The following PEAK1 variants were observed in gnomAD, a reference collection of about 807,000 sequenced individuals.
The protein encoded by PEAK1 is inactive tyrosine-protein kinase PEAK1.
Under a neutral mutation model 124.7 loss-of-function variants are expected in PEAK1, and 54 were observed. The ratio of observed to expected loss-of-function variants is 0.43; its 90% CI spans 0.35 to 0.54. PEAK1 has a LOEUF of 0.54. Among genes scored for constraint, PEAK1 ranks in the 20% least tolerant of loss-of-function variants. PEAK1 has a pLI of 0.01. For missense variants in PEAK1, 2,046 were observed against 2,134.5 expected, an observed-to-expected ratio of 0.96 and a Z score of 0.82; for synonymous variants, 719 against 760.0, an observed-to-expected ratio of 0.95 and a Z score of 0.89.
At chr15:77,230,793 A>G (rs1284997322) in intron 6 of PEAK1, among the ~76,000 whole-genome samples, 2 of 152,074 alleles carry the variant, frequency 1.3e-5, no homozygotes, top group Admixed American at 1.3e-4. Flanking sequence ...TGATTGTACC[A>G]CTACACTCCA....
intron 9 of PEAK1, among the ~76,000 whole-genome samples, chr15:77,127,181 C>T (rs2052449013): frequency 6.6e-6 from 1 of 152,180 alleles, no homozygotes. Flanking sequence ...TGTAAGGGCA[C>T]AGTGAGAAGA....
At chr15:77,318,526 G>A (rs2065010915) in intron 2 of PEAK1, among the ~76,000 whole-genome samples, 2 of 152,064 alleles carry the variant, frequency 1.3e-5, no homozygotes, top group Admixed American at 1.3e-4. Context: ...GCTGTCCAAC[G>A]ACAGAGTGGG....
chr15:77,239,439 T>C (rs1043621218), intron 6 of PEAK1, among the ~76,000 whole-genome samples: 6 of 152,328 alleles, frequency 3.9e-5, no homozygotes, highest in African/African-American at 1.2e-4. Context: ...TATATGACTT[T>C]AGGCAAAAAC....
chr15:77,415,637 C>T (rs936859846), intron 1 of PEAK1, among the ~76,000 whole-genome samples: 1 of 152,218 alleles, frequency 6.6e-6, no homozygotes, highest in Admixed American at 6.5e-5. Flanking sequence ...TTACACAAGA[C>T]ATGTCATCAA....
intron 6 of PEAK1, among the ~76,000 whole-genome samples, chr15:77,229,370 C>A (rs2059808535): frequency 6.6e-6 from 1 of 152,154 alleles, no homozygotes. Flanking sequence ...GTGTGAAAGG[C>A]TGTATCATTC....
chr15:77,410,095 G>C (rs1003213471), intron 1 of PEAK1, among the ~76,000 whole-genome samples: 1 of 148,044 alleles, frequency 6.8e-6, no homozygotes, highest in Non-Finnish European at 1.5e-5. Context: ...TTTTTAGACA[G>C]AGTTTCGCTC....
chr15:77,380,619 C>T lies in PEAK1; in HGVS notation c.-665-15394G>A, dbSNP rs1025002852. Among the ~76,000 whole-genome samples, 3 of 152,144 alleles carry T rather than the reference C, an allele frequency of 2.0e-5. No individual in the cohort carries two copies. The South Asian group carries it at 6.2e-4, about 31-fold the overall frequency. On this transcript the variant is annotated intron_variant, in intron 1 of 9. Transcript: ENST00000682557. Reference sequence around the variant, plus strand: ...TCAGCCTCCCAAGTAGCTGGGACCACAGGCATGCAACACTATGCCCAGTTA... The same window carrying T: ...TCAGCCTCCCAAGTAGCTGGGACCATAGGCATGCAACACTATGCCCAGTTA...
At chr15:77,347,950 T>G in intron 2 of PEAK1, 2 of 985,178 alleles carry the variant, frequency 2.0e-6, no homozygotes, top group Non-Finnish European at 2.4e-6. Context: ...ACTGAATGAT[T>G]CCCAAACATA....
downstream of PEAK1, chr15:77,103,725 C>A (rs572478943): frequency 6.6e-6 from 1 of 152,224 alleles, no homozygotes; most frequent in East Asian, 1.9e-4. Context: ...ACTTAGTTGC[C>A]TTTGTGGTTC....
At chr15:77,386,778 G>C (rs1439446881) in intron 1 of PEAK1, among the ~76,000 whole-genome samples, 2 of 152,130 alleles carry the variant, frequency 1.3e-5, no homozygotes, top group African/African-American at 4.8e-5. Context: ...TGTGCAAGAA[G>C]ATCTTCCCAC....
intron 1 of PEAK1, chr15:77,371,111 G>A (rs2068611435): frequency 2.1e-6 from 2 of 952,734 alleles, no homozygotes; most frequent in African/African-American, 1.8e-5. Context: ...CTTTAAGGCT[G>A]AATTATGTTA....
chr15:77,274,290 GA>G (rs2062192514), intron 5 of PEAK1, among the ~76,000 whole-genome samples: 1 of 151,784 alleles, frequency 6.6e-6, no homozygotes, highest in African/African-American at 2.4e-5. Flanking sequence ...TTAATTAAAC[GA>G]AAAAGCTTCT....
intron 1 of PEAK1, among the ~76,000 whole-genome samples, chr15:77,386,459 A>AT (rs1361743242): frequency 1.3e-5 from 2 of 152,216 alleles, no homozygotes; most frequent in Non-Finnish European, 2.9e-5. Context: ...ATGGTCATAA[A>AT]TTCAATATCT....
At chr15:77,417,948 A>C (rs2073022731) in intron 1 of PEAK1, 1 of 972,036 alleles carries the variant, frequency 1.0e-6, no homozygotes, top group African/African-American at 1.8e-5. Flanking sequence ...AAATATTTAC[A>C]TTACCATAAA....
intron 8 of PEAK1, among the ~76,000 whole-genome samples, chr15:77,135,711 G>A (rs2053261771): frequency 6.6e-6 from 1 of 152,116 alleles, no homozygotes; most frequent in Non-Finnish European, 1.5e-5. Context: ...GAGATCTGAG[G>A]GTTTTAAAAA....
At chr15:77,123,981 C>T (rs1424759948) in intron 9 of PEAK1, among the ~76,000 whole-genome samples, 1 of 152,098 alleles carries the variant, frequency 6.6e-6, no homozygotes, top group Non-Finnish European at 1.5e-5. Flanking sequence ...CTTCTTTCAC[C>T]AAAACATTTA....
intron 6 of PEAK1, among the ~76,000 whole-genome samples, chr15:77,233,383 T>C (rs2059987975): frequency 6.6e-6 from 1 of 152,214 alleles, no homozygotes; most frequent in African/African-American, 2.4e-5. Context: ...AAACCTTTTA[T>C]TATCATTTCA....
intron 6 of PEAK1, among the ~76,000 whole-genome samples, chr15:77,211,848 C>CAAAAAAAAAAAAA: frequency 2.0e-5 from 1 of 49,772 alleles, no homozygotes; most frequent in Middle Eastern, 9.6e-3. Flanking sequence ...AACTCCATCT[C>CAAAAAAAAAAAAA]AAAAAAAAAA....
chr15:77,248,222 T>C (rs1309875299), intron 6 of PEAK1, among the ~76,000 whole-genome samples: 1 of 152,046 alleles, frequency 6.6e-6, no homozygotes, highest in East Asian at 1.9e-4. Context: ...CAAGTGAGCT[T>C]TGGTAGTTGA....
Sources: gnomAD v4.1 joint callset for allele counts (sites outside exome capture counted in the v4.1 genomes callset) on GRCh38, gnomAD v4.1.1 for gene constraint, MANE v1.5 for transcripts, NCBI Gene and HGNC (gene_info 2026-07-23, HGNC 2026-07-21) for gene names.